ZNF131: variants seen among roughly 807,000 people sequenced by gnomAD.
ZNF131 encodes zinc finger and BTB domain containing 35.
A neutral mutation model predicts 60.0 loss-of-function variants in ZNF131; 7 were observed. That is an observed-to-expected ratio of 0.12 (90% confidence interval 0.07 to 0.22). The LOEUF (loss-of-function observed/expected upper bound fraction) is 0.22, where lower values mean the gene tolerates loss of function less well. Ranked by LOEUF, ZNF131 falls within the 10% of genes least tolerant of loss-of-function variation. The pLI is 1.00. For synonymous variants in ZNF131, 257 were observed against 253.2 expected (o/e 1.01, Z -0.14); for missense variants, 493 against 740.9 (o/e 0.67, Z 3.88).
rs553456627 is a variant in ZNF131, at chr5:43,122,046, C to T, written c.-8C>T. 17 of 1,613,634 alleles carry T rather than the reference C, an allele frequency of 1.1e-5. No individual in the cohort carries two copies. Among genetic ancestry groups the T allele is most frequent in the Non-Finnish European group, 1.4e-5 (17 of 1,179,930 alleles). ...CATGCTCTTCTTTTGTAGAGCAGCC[C>T]GACGGCCATGGAGGCTGAAGAGACG... is the stretch of plus-strand genomic sequence containing the variant. On this transcript the variant is annotated 5_prime_UTR_variant, in exon 2 of 7. Transcript: ENST00000682664.
intron 4 of ZNF131, among the ~76,000 whole-genome samples, chr5:43,155,164 A>G (rs1748801855): frequency 6.6e-6 from 1 of 152,084 alleles, no homozygotes; most frequent in African/African-American, 2.4e-5. Context: ...ACAGTTAGGG[A>G]GCTGCTACTT....
intron 4 of ZNF131, among the ~76,000 whole-genome samples, chr5:43,154,414 CAA>C (rs796301323): frequency 7.1e-5 from 9 of 127,326 alleles, no homozygotes; most frequent in Non-Finnish European, 8.5e-5. Flanking sequence ...ACTCCGTCTC[CAA>C]AAAAAAAAAA....
intron 5 of ZNF131, among the ~76,000 whole-genome samples, chr5:43,166,697 C>G (rs1300774343): frequency 6.6e-6 from 1 of 151,780 alleles, no homozygotes; most frequent in East Asian, 1.9e-4. Flanking sequence ...GCTCTGTCGC[C>G]CAGACTGGAG....
At chr5:43,139,407 A>T (rs1478700881) in intron 4 of ZNF131, 98 bp downstream of exon 4, 8 of 1,200,596 alleles carry the variant, frequency 6.7e-6, no homozygotes, top group Non-Finnish European at 8.8e-6. Flanking sequence ...TGAAGAACAG[A>T]GTTCTTCAGA....
intron 4 of ZNF131, 79 bp downstream of exon 4, chr5:43,139,388 G>C: frequency 1.5e-6 from 2 of 1,325,308 alleles, no homozygotes; most frequent in Non-Finnish European, 2.0e-6. Context: ...TACAGTATGT[G>C]TCATGCCATG....
chr5:43,148,032 C>G (rs951092200), intron 4 of ZNF131, among the ~76,000 whole-genome samples: 54 of 141,628 alleles, frequency 3.8e-4, no homozygotes, highest in African/African-American at 1.4e-3. Flanking sequence ...CCAGCCTGAG[C>G]GACAAGAGTG....
At chr5:43,122,250 T>A (rs1743956999) in intron 2 of ZNF131, 73 bp downstream of exon 2, 3 of 957,430 alleles carry the variant, frequency 3.1e-6, no homozygotes, top group Non-Finnish European at 4.2e-6. Context: ...ACCCGCCTTT[T>A]TTTTTTTTTT....
intron 4 of ZNF131, among the ~76,000 whole-genome samples, chr5:43,142,905 C>T (rs148200163): frequency 6.6e-6 from 1 of 151,934 alleles, no homozygotes; most frequent in Non-Finnish European, 1.5e-5. Context: ...GTTGCCCAGG[C>T]TACTAGTCTC....
At chr5:43,144,517 A>G (rs1003464482) in intron 4 of ZNF131, among the ~76,000 whole-genome samples, 3 of 152,148 alleles carry the variant, frequency 2.0e-5, no homozygotes, top group African/African-American at 4.8e-5. Context: ...GGCATGAGCC[A>G]TCACGTCCAG....
intron 4 of ZNF131, among the ~76,000 whole-genome samples, chr5:43,142,842 C>T (rs923188955): frequency 1.3e-5 from 2 of 151,914 alleles, no homozygotes; most frequent in African/African-American, 4.8e-5. Flanking sequence ...CAGATGCTTG[C>T]CACCATGCCT....
At chr5:43,151,423 G>A (rs551523832) in intron 4 of ZNF131, among the ~76,000 whole-genome samples, 4 of 152,050 alleles carry the variant, frequency 2.6e-5, no homozygotes, top group Non-Finnish European at 4.4e-5. Flanking sequence ...GGTGTAAGTC[G>A]TCATTTTGTT....
chr5:43,122,644 C>A (rs1164252036), intron 2 of ZNF131, among the ~76,000 whole-genome samples: 1 of 152,090 alleles, frequency 6.6e-6, no homozygotes, highest in African/African-American at 2.4e-5. Flanking sequence ...AAAATGGGGT[C>A]TTTACCAGCC....
At chr5:43,150,974 A>T (rs1748232242) in intron 4 of ZNF131, among the ~76,000 whole-genome samples, 1 of 152,134 alleles carries the variant, frequency 6.6e-6, no homozygotes, top group African/African-American at 2.4e-5. Context: ...CCCTAGAAAA[A>T]CAGGTGACTT....
rs144912252 is a variant in ZNF131 at position 43,127,232 on chromosome 5, G to A, written c.226+3922G>A. ...AATAATGACTTAGCATGGCACATTAGGTGGGCATTAGAGACACCAGGGAAG... is the reference window on the plus strand; with the variant it reads ...AATAATGACTTAGCATGGCACATTAAGTGGGCATTAGAGACACCAGGGAAG... On this transcript the variant is annotated intron_variant, in intron 3 of 6. Transcript: ENST00000682664. Among the ~76,000 whole-genome samples the A allele has an allele frequency of 1.8e-3, 276 of 152,294 alleles. 2 individuals are homozygous for A. The highest frequency in any genetic ancestry group is 6.0e-3 in the African/African-American group (249 of 41,570).
intron 4 of ZNF131, among the ~76,000 whole-genome samples, chr5:43,156,166 G>T (rs939311054): frequency 6.6e-6 from 1 of 152,168 alleles, no homozygotes. Flanking sequence ...CATAGAATCA[G>T]CCGTACCACA....
At chr5:43,137,335 T>G (rs1441134955) in intron 3 of ZNF131, among the ~76,000 whole-genome samples, 5 of 152,072 alleles carry the variant, frequency 3.3e-5, no homozygotes, top group African/African-American at 1.2e-4. Flanking sequence ...CAAAAATATA[T>G]GAGAAACTCC....
chr5:43,123,504 T>G, intron 3 of ZNF131, 194 bp downstream of exon 3: 2 of 426,188 alleles, frequency 4.7e-6, no homozygotes, highest in Non-Finnish European at 8.2e-6. Context: ...ACCTGAGAAG[T>G]CTTACTTTCA....
chr5:43,172,260 C>T (rs932247697), intron 5 of ZNF131, among the ~76,000 whole-genome samples: 1 of 152,188 alleles, frequency 6.6e-6, no homozygotes, highest in Admixed American at 6.5e-5. Context: ...GGGTTCTGCC[C>T]TTGATTTTTG....
chr5:43,144,245 T>C (rs1444699033), intron 4 of ZNF131, among the ~76,000 whole-genome samples: 33 of 98,800 alleles, frequency 3.3e-4, no homozygotes, highest in East Asian at 1.4e-3. Context: ...TTCTTTTTTT[T>C]TTTTTTTTTT....
Sources: allele counts gnomAD v4.1 joint callset (sites outside exome capture counted in the v4.1 genomes callset), GRCh38; gene constraint gnomAD v4.1.1; transcripts MANE v1.5; gene names NCBI Gene and HGNC (gene_info 2026-07-23, HGNC 2026-07-21).